Variants in RIN2 observed in about 807,000 individuals in gnomAD.
RIN2 encodes Ras and Rab interactor 2, also known as RAB5 interacting protein 2.
RIN2 carries 36 observed loss-of-function variants against 78.0 expected under a neutral mutation model. That is an observed-to-expected ratio of 0.46 (90% CI 0.35 to 0.61). RIN2 has a LOEUF of 0.61. Ranked by LOEUF, RIN2 falls within the 20% of genes least tolerant of loss-of-function variation. RIN2 has a pLI of 0.00. For synonymous variants in RIN2, 466 were observed against 466.8 expected (o/e 1.00, Z 0.02); for missense variants, 1,087 against 1,159.7 (o/e 0.94, Z 0.91).
chr20:19,767,698 G>A (rs1302860848), intron 1 of RIN2, among the ~76,000 whole-genome samples: 1 of 152,030 alleles, frequency 6.6e-6, no homozygotes. Context: ...GCTAAGGCGG[G>A]TGGATCACCT....
At chr20:19,822,147 G>C (rs527645330) in intron 2 of RIN2, among the ~76,000 whole-genome samples, 1 of 152,270 alleles carries the variant, frequency 6.6e-6, no homozygotes, top group South Asian at 2.1e-4. Flanking sequence ...TTTGTTTCTA[G>C]GTGGCTCACA....
intron 9 of RIN2, among the ~76,000 whole-genome samples, chr20:19,982,318 A>T (rs1160774305): frequency 1.3e-5 from 2 of 152,172 alleles, no homozygotes; most frequent in Non-Finnish European, 2.9e-5. Context: ...CAGAAACCAG[A>T]AAGCTACCCA....
intron 2 of RIN2, among the ~76,000 whole-genome samples, chr20:19,804,164 C>G (rs1324432461): frequency 6.6e-6 from 1 of 152,170 alleles, no homozygotes; most frequent in Non-Finnish European, 1.5e-5. Context: ...TTGACTTCCT[C>G]TCTTCCTATT....
intron 2 of RIN2, among the ~76,000 whole-genome samples, chr20:19,825,472 C>T (rs1208131643): frequency 6.6e-6 from 1 of 152,194 alleles, no homozygotes; most frequent in Non-Finnish European, 1.5e-5. Context: ...CTTCCCAGTC[C>T]TCTCTTAAAC....
At chr20:19,935,812 CG>C (rs1445052152) in intron 4 of RIN2, among the ~76,000 whole-genome samples, 2 of 139,248 alleles carry the variant, frequency 1.4e-5, no homozygotes, top group Non-Finnish European at 3.1e-5. Flanking sequence ...GTGCAAAGGT[CG>C]GGGGGTGGTG....
At chr20:19,899,670 G>C (rs541485256) in intron 3 of RIN2, among the ~76,000 whole-genome samples, 6 of 152,256 alleles carry the variant, frequency 3.9e-5, no homozygotes, top group African/African-American at 9.6e-5. Context: ...GGCAGGTCTC[G>C]GTCCATTGTC....
chr20:19,898,928 G>T (rs2123600161), intron 3 of RIN2, among the ~76,000 whole-genome samples: 1 of 152,262 alleles, frequency 6.6e-6, no homozygotes, highest in African/African-American at 2.4e-5. Flanking sequence ...GATACAAAAT[G>T]ATAATCAAAA....
At chr20:19,787,853 G>A (rs956091040) in intron 1 of RIN2, among the ~76,000 whole-genome samples, 1 of 152,114 alleles carries the variant, frequency 6.6e-6, no homozygotes, top group Non-Finnish European at 1.5e-5. Flanking sequence ...GTGCTTACTG[G>A]CAACCATGTT....
intron 2 of RIN2, among the ~76,000 whole-genome samples, chr20:19,845,948 C>G (rs1205447599): frequency 6.6e-6 from 1 of 152,188 alleles, no homozygotes; most frequent in Non-Finnish European, 1.5e-5. Context: ...CTGCATATGG[C>G]TAGCCAGTTT....
chr20:19,841,242 C>T (rs1268596840), intron 2 of RIN2, among the ~76,000 whole-genome samples: 1 of 151,804 alleles, frequency 6.6e-6, no homozygotes, highest in Non-Finnish European at 1.5e-5. Flanking sequence ...AAATCCTTAG[C>T]CGAGTGAGGT....
chr20:19,969,763 GAAAA>G (rs1229730942), intron 7 of RIN2, among the ~76,000 whole-genome samples: 1 of 118,548 alleles, frequency 8.4e-6, no homozygotes, highest in African/African-American at 3.8e-5. Context: ...ACCACCACTG[GAAAA>G]AAACAAACAA....
At chr20:19,851,043 AAGGAAGGAGAAAGAAAGGAAGGAAGG>A in intron 2 of RIN2, among the ~76,000 whole-genome samples, 1 of 81,282 alleles carries the variant, frequency 1.2e-5, no homozygotes, top group African/African-American at 4.2e-5. Context: ...GGAAGGAAGG[AAGGAAGGAGAAAGAAAGGAAGGAAGG>A]AAGGAAGGAA....
chr20:19,858,220 T>C (rs1168309945), intron 2 of RIN2, among the ~76,000 whole-genome samples: 2 of 152,192 alleles, frequency 1.3e-5, no homozygotes, highest in Non-Finnish European at 2.9e-5. Context: ...CCTGTTTCTT[T>C]TGCCAGTTTA....
intron 2 of RIN2, among the ~76,000 whole-genome samples, chr20:19,865,667 A>AT (rs1378709813): frequency 1.3e-5 from 2 of 151,768 alleles, no homozygotes; most frequent in Non-Finnish European, 1.5e-5. Context: ...TTTATTTTTT[A>AT]TTTTTTGTAC....
rs143876362 is a variant in RIN2 at position 19,950,313 on chromosome 20, C to A, written c.159-6302C>A. 7.5e-3 allele frequency among the ~76,000 whole-genome samples: 1,144 copies of A among 152,262 alleles called. 11 individuals are homozygous for A. The highest frequency in any genetic ancestry group is 0.014 in the Middle Eastern group (4 of 292). ...CTGTATCTGTACCTAAGTTTTATCT[C>A]CCCATGATAGCAGCCCTAGACACCT... On this transcript the variant is annotated intron_variant, in intron 4 of 12. Transcript: ENST00000255006.
At chr20:19,792,382 G>T (rs1026303868) in intron 1 of RIN2, among the ~76,000 whole-genome samples, 2 of 152,122 alleles carry the variant, frequency 1.3e-5, no homozygotes, top group African/African-American at 4.8e-5. Context: ...GTCATTTCTC[G>T]TGAACATTTA....
intron 2 of RIN2, among the ~76,000 whole-genome samples, chr20:19,821,656 G>A (rs1456690121): frequency 1.4e-5 from 2 of 147,392 alleles, no homozygotes; most frequent in African/African-American, 2.7e-5. Context: ...CATTCCTCAC[G>A]CTGCTCTCTC....
chr20:19,889,744 G>C, intron 3 of RIN2, 86 bp downstream of exon 3: 1 of 1,092,980 alleles, frequency 9.1e-7, no homozygotes, highest in Non-Finnish European at 1.3e-6. Flanking sequence ...GCTGCTGAGG[G>C]AAGTCTGCTC....
Position 19,890,679 on chromosome 20 carries a change from CAAAAAAAAAAAA to C in RIN2, c.57+1034_57+1045del, listed in dbSNP as rs534202183. ...TATATTGTGTCAACTGTTGACTCTA[CAAAAAAAAAAAA>C]AAAAAAAAAAAACCATCAGAAGAAC... On this transcript the variant is annotated intron_variant, in intron 3 of 12. Coordinates refer to ENST00000255006, the MANE Select transcript of RIN2 (RefSeq NM_018993.4). Among the ~76,000 whole-genome samples the C allele has an allele frequency of 1.4e-3, 90 of 64,464 alleles. 1 individual carries two copies. The highest frequency in any genetic ancestry group is 0.03 in the Middle Eastern group (2 of 66). 42.3% of individuals were successfully genotyped at this position (64,464 alleles called of 152,430 possible). A position where few individuals can be genotyped will look rare whatever the true frequency, so the allele number is the denominator to read the frequency against.
Sources: allele counts gnomAD v4.1 joint callset (sites outside exome capture counted in the v4.1 genomes callset), GRCh38; gene constraint gnomAD v4.1.1; transcripts MANE v1.5; gene names NCBI Gene and HGNC (gene_info 2026-07-23, HGNC 2026-07-21).